Variants in GJC1 observed in about 807,000 individuals in gnomAD.
The protein encoded by GJC1 is gap junction gamma-1 protein.
Under a neutral mutation model 29.3 loss-of-function variants are expected in GJC1, and 5 were observed. The observed-to-expected ratio is 0.17, with a 90% CI of 0.09 to 0.36. The LOEUF (loss-of-function observed/expected upper bound fraction) is 0.36. Among genes scored for constraint, GJC1 ranks in the 10% least tolerant of loss-of-function variants. GJC1 has a pLI of 1.00. For missense variants in GJC1, 310 were observed against 496.2 expected (o/e 0.62, Z 3.56); for synonymous variants, 177 against 183.3 (o/e 0.97, Z 0.28).
At chr17:44,816,520 G>A (rs918692111) in intron 1 of GJC1, among the ~76,000 whole-genome samples, 4 of 151,952 alleles carry the variant, frequency 2.6e-5, no homozygotes, top group East Asian at 1.9e-4. Context: ...TTGGTTTTCT[G>A]AGACAGAGTG....
chr17:44,820,351 C>A (rs1376477268), intron 1 of GJC1, among the ~76,000 whole-genome samples: 1 of 152,152 alleles, frequency 6.6e-6, no homozygotes, highest in South Asian at 2.1e-4. Flanking sequence ...ATAATCCATG[C>A]ACTTCAGGAA....
At chr17:44,820,125 A>G (rs2050092023) in intron 1 of GJC1, among the ~76,000 whole-genome samples, 1 of 152,036 alleles carries the variant, frequency 6.6e-6, no homozygotes, top group Non-Finnish European at 1.5e-5. Context: ...CACAGTGGCT[A>G]ATTTTTTTAC....
At chr17:44,820,444 T>G (rs1253262099) in intron 1 of GJC1, among the ~76,000 whole-genome samples, 2 of 152,224 alleles carry the variant, frequency 1.3e-5, no homozygotes, top group African/African-American at 4.8e-5. Context: ...CATTTAACAT[T>G]TGATGAAAAC....
intron 1 of GJC1, among the ~76,000 whole-genome samples, chr17:44,814,252 C>T (rs538275093): frequency 6.6e-6 from 1 of 151,994 alleles, no homozygotes; most frequent in South Asian, 2.1e-4. Context: ...GCCATTCTCC[C>T]GCCTCAGCCT....
chr17:44,810,475 G>A (rs1200131409), intron 1 of GJC1, among the ~76,000 whole-genome samples: 2 of 152,138 alleles, frequency 1.3e-5, no homozygotes, highest in Non-Finnish European at 2.9e-5. Flanking sequence ...AGCTGCAGAC[G>A]TGGAAAATGC....
chr17:44,823,719 T>C (rs2050138920), intron 1 of GJC1, among the ~76,000 whole-genome samples: 1 of 151,116 alleles, frequency 6.6e-6, no homozygotes, highest in East Asian at 1.9e-4. Flanking sequence ...TCCTTTCCTT[T>C]TTTTTTTTTT....
intron 1 of GJC1, among the ~76,000 whole-genome samples, chr17:44,816,998 G>A (rs2050051391): frequency 1.3e-5 from 2 of 151,836 alleles, no homozygotes; most frequent in African/African-American, 4.8e-5. Flanking sequence ...ATCACCTGAA[G>A]TCAGGAGTTC....
intron 1 of GJC1, among the ~76,000 whole-genome samples, chr17:44,816,145 T>A (rs1302403736): frequency 6.6e-6 from 1 of 150,684 alleles, no homozygotes; most frequent in African/African-American, 2.4e-5. Context: ...AAAAGTTGCT[T>A]TTTTCTAGAA....
intron 1 of GJC1, among the ~76,000 whole-genome samples, chr17:44,816,805 G>A (rs916565359): frequency 1.3e-5 from 2 of 151,728 alleles, no homozygotes; most frequent in African/African-American, 4.8e-5. Flanking sequence ...GCGCCCAGCC[G>A]AATTAATAGG....
intron 1 of GJC1, among the ~76,000 whole-genome samples, chr17:44,822,674 C>G (rs565815650): frequency 8.8e-5 from 13 of 147,602 alleles, no homozygotes; most frequent in Non-Finnish European, 1.8e-4. Context: ...AGAGTCCAGC[C>G]TCAGTAAATT....
At chr17:44,816,725 C>G (rs1426587831) in intron 1 of GJC1, among the ~76,000 whole-genome samples, 2 of 151,520 alleles carry the variant, frequency 1.3e-5, no homozygotes, top group Admixed American at 6.6e-5. Context: ...AGGCTGGTCT[C>G]GAACTCCTGA....
intron 1 of GJC1, among the ~76,000 whole-genome samples, chr17:44,821,137 T>C (rs1487696574): frequency 6.6e-6 from 1 of 152,178 alleles, no homozygotes; most frequent in Non-Finnish European, 1.5e-5. Flanking sequence ...TCTATTTGAA[T>C]GTAAGAACCT....
downstream of GJC1, among the ~76,000 whole-genome samples, chr17:44,796,506 C>T (rs546075660): frequency 6.6e-6 from 1 of 152,306 alleles, no homozygotes; most frequent in South Asian, 2.1e-4. Context: ...AGGTCTAAAC[C>T]TTCTTGAACA....
intron 1 of GJC1, among the ~76,000 whole-genome samples, chr17:44,828,764 GT>G (rs2050200865): frequency 6.6e-6 from 1 of 151,860 alleles, no homozygotes; most frequent in Non-Finnish European, 1.5e-5. Context: ...GGAAGTAAGG[GT>G]ATTTTTCTGT....
In GJC1 at chr17:44,805,617, C is replaced by T. The variant is rs749191625; in HGVS notation, c.201G>A (p.Ala67=). The change falls in exon 3 of 3, where the codon GCG becomes GCA. Residue 67 remains alanine (A), a synonymous_variant. Coordinates refer to ENST00000592524, the MANE Select transcript of GJC1 (RefSeq NM_005497.4). The surrounding 1 kb of genome is among the most constrained non-coding windows in gnomAD (Gnocchi z 5.1). ...AGCGTACATGGGAGAGAGGTGCAAACGCATCATAACAGACATTCTCACAGC... is the reference window on the plus strand; with the variant it reads ...AGCGTACATGGGAGAGAGGTGCAAATGCATCATAACAGACATTCTCACAGC... ...QPGCENVCYD[A]FAPLSHVRFW... The T allele has an allele frequency of 2.8e-5, 45 of 1,614,022 alleles. No individual in the cohort carries two copies. The highest frequency in any genetic ancestry group is 2.3e-4 in the Admixed American group (14 of 59,978).
At position 44,822,352 on chromosome 17, in the gene GJC1, A is replaced by G. The variant is rs553419194; in HGVS notation, c.-97+7710T>C. 2.0e-5 allele frequency among the ~76,000 whole-genome samples: 3 copies of G among 151,644 alleles called. No homozygotes were observed. In the South Asian group the frequency reaches 6.3e-4, roughly 32 times the overall value. ...TGACGGAATAAAAACAATCTAAAAT[A>G]TTCTAAAATTAGGGTGTGTTGGCTC... On this transcript the variant is annotated intron_variant, in intron 1 of 2. Coordinates refer to ENST00000592524, the MANE Select transcript of GJC1 (RefSeq NM_005497.4).
At chr17:44,822,643 CAAAAAAAA>C (rs11423012) in intron 1 of GJC1, among the ~76,000 whole-genome samples, 3 of 80,238 alleles carry the variant, frequency 3.7e-5, no homozygotes, top group Admixed American at 1.7e-4. Flanking sequence ...AACTCCATCT[CAAAAAAAA>C]AAAAAAAAAA....
chr17:44,802,834 A>T lies in GJC1; in HGVS notation c.*1793T>A, dbSNP rs2049867130. On this transcript the variant is annotated 3_prime_UTR_variant, in exon 3 of 3. Coordinates refer to ENST00000592524, the MANE Select transcript of GJC1 (RefSeq NM_005497.4). ...ACATAGTGAGACCTCATCTCTACAA[A>T]AAAAATTTTTAAAACAGAATTAGCC... 2 of 152,164 alleles carry T rather than the reference A, an allele frequency of 1.3e-5. No individual in the cohort carries two copies. The allele number at this position is 152,164 out of a possible 1,614,324, so 9.4% of individuals were successfully genotyped here.
chr17:44,821,714 AAAAAAAAAAAAC>A lies in GJC1; in HGVS notation c.-97+8336_-97+8347del, dbSNP rs1300259054. ...CTCCGTCTCAAAAAAAAAAAAAAAA[AAAAAAAAAAAAC>A]AACAAAAAAACACCAACACCCATAC... On this transcript the variant is annotated intron_variant, in intron 1 of 2. Coordinates refer to ENST00000592524, the MANE Select transcript of GJC1 (RefSeq NM_005497.4). 1.7e-4 allele frequency among the ~76,000 whole-genome samples: 25 copies of A among 148,938 alleles called. 1 individual carries two copies. The highest frequency in any genetic ancestry group is 5.9e-4 in the African/African-American group (24 of 40,532).
Sources: allele counts gnomAD v4.1 joint callset (sites outside exome capture counted in the v4.1 genomes callset), GRCh38; gene constraint gnomAD v4.1.1; non-coding constraint Gnocchi (gnomAD v3.1); transcripts MANE v1.5; gene names NCBI Gene and HGNC (gene_info 2026-07-23, HGNC 2026-07-21).